The following CIRSR variants were observed in gnomAD, a reference collection of about 807,000 sequenced individuals.
CIRSR encodes the protein corepressor of RBPJ and splicing regulator.
chr2:174,395,481 T>C, the CIRSR span: 2 of 1,455,306 alleles, frequency 1.4e-6, no homozygotes, highest in South Asian at 2.3e-5. Flanking sequence ...ACACCATCAC[T>C]TTCACTTCCA....
the CIRSR span, chr2:174,395,427 G>A: frequency 1.1e-6 from 1 of 933,914 alleles, no homozygotes; most frequent in Non-Finnish European, 1.7e-6. Context: ...GACCACCAGG[G>A]CTTTAGGCCT....
the CIRSR span, among the ~76,000 whole-genome samples, chr2:174,386,698 A>C: frequency 6.6e-6 from 1 of 152,132 alleles, no homozygotes; most frequent in African/African-American, 2.4e-5. Flanking sequence ...GGCGCAAAAA[A>C]CGGCGCTCAG....
the CIRSR span, among the ~76,000 whole-genome samples, chr2:174,355,882 C>T: frequency 6.6e-6 from 1 of 152,122 alleles, no homozygotes; most frequent in African/African-American, 2.4e-5. Flanking sequence ...CCACAAATGG[C>T]ATAGGAGGGA....
chr2:174,387,522 T>C, the CIRSR span: 822 of 628,004 alleles, frequency 1.3e-3, 6 homozygotes, highest in African/African-American at 0.014. Context: ...GAAAAAGTGG[T>C]CATCTACAGG....
At chr2:174,353,183 T>C in the CIRSR span, among the ~76,000 whole-genome samples, 9 of 152,264 alleles carry the variant, frequency 5.9e-5, no homozygotes, top group African/African-American at 9.6e-5. Context: ...TATTGGAGTA[T>C]GGGGGAAGTT....
At chr2:174,395,515 T>A in the CIRSR span, 4 of 1,599,454 alleles carry the variant, frequency 2.5e-6, no homozygotes, top group African/African-American at 5.4e-5. Context: ...AGGCGGTCCC[T>A]GTGGGCCTAA....
chr2:174,351,810 T>C, the CIRSR span: 15 of 936,632 alleles, frequency 1.6e-5, no homozygotes, highest in African/African-American at 1.7e-4. Flanking sequence ...AGTTGAAGCT[T>C]TGTTAAGTAA....
At chr2:174,389,400 A>G in the CIRSR span, among the ~76,000 whole-genome samples, 1 of 152,210 alleles carries the variant, frequency 6.6e-6, no homozygotes, top group South Asian at 2.1e-4. Flanking sequence ...TGCTAGGCAA[A>G]GAAACTGGTG....
At chr2:174,375,080 A>G in the CIRSR span, among the ~76,000 whole-genome samples, 456 of 152,348 alleles carry the variant, frequency 3.0e-3, 1 homozygote, top group Middle Eastern at 0.02. Flanking sequence ...TGCTCCATAA[A>G]TGATGATTGA....
the CIRSR span, among the ~76,000 whole-genome samples, chr2:174,379,559 T>C: frequency 6.6e-6 from 1 of 152,162 alleles, no homozygotes; most frequent in Non-Finnish European, 1.5e-5. Context: ...AATAAAACTT[T>C]CTTTACAAGG....
At chr2:174,360,074 G>T in the CIRSR span, among the ~76,000 whole-genome samples, 1 of 152,214 alleles carries the variant, frequency 6.6e-6, no homozygotes, top group Admixed American at 6.5e-5. Context: ...GTGGGGGAAT[G>T]GGGGAGGGAT....
the CIRSR span, among the ~76,000 whole-genome samples, chr2:174,373,113 T>C: frequency 1.3e-5 from 2 of 152,258 alleles, no homozygotes; most frequent in African/African-American, 4.8e-5. Flanking sequence ...CATCATTTTA[T>C]GTGGCATCAC....
chr2:174,381,478 C>G, the CIRSR span, among the ~76,000 whole-genome samples: 1 of 152,012 alleles, frequency 6.6e-6, no homozygotes, highest in Non-Finnish European at 1.5e-5. Flanking sequence ...CATGGTGAAA[C>G]TCTGTCTCTA....
At chr2:174,387,850 T>C in the CIRSR span, 5 of 1,327,092 alleles carry the variant, frequency 3.8e-6, no homozygotes, top group Non-Finnish European at 3.1e-6. Flanking sequence ...TTTTCTTGTA[T>C]AATAAAATAT....
At chr2:174,353,656 C>T in the CIRSR span, among the ~76,000 whole-genome samples, 1 of 152,094 alleles carries the variant, frequency 6.6e-6, no homozygotes, top group Non-Finnish European at 1.5e-5. Context: ...GTAGTAGAAA[C>T]GGGGTTTCAC....
At chr2:174,385,237 A>T in the CIRSR span, among the ~76,000 whole-genome samples, 24 of 110,108 alleles carry the variant, frequency 2.2e-4, no homozygotes, top group Non-Finnish European at 4.0e-4. Flanking sequence ...AAAAAAAAAA[A>T]TTTTTTTTTT....
the CIRSR span, among the ~76,000 whole-genome samples, chr2:174,381,466 A>G: frequency 6.6e-6 from 1 of 152,110 alleles, no homozygotes; most frequent in Non-Finnish European, 1.5e-5. Flanking sequence ...CAGCCTGGCC[A>G]ACATGGTGAA....
At chr2:174,354,575 T>G in the CIRSR span, among the ~76,000 whole-genome samples, 30 of 15,358 alleles carry the variant, frequency 2.0e-3, no homozygotes, top group Admixed American at 8.4e-3. Context: ...TATATTATAT[T>G]ATATATTATA....
chr2:174,348,262 T>C, the CIRSR span: 2 of 481,240 alleles, frequency 4.2e-6, no homozygotes, highest in Non-Finnish European at 6.8e-6. Context: ...ACAGAAAATA[T>C]TTCCACAGCC....
Sources: allele counts gnomAD v4.1 joint callset (sites outside exome capture counted in the v4.1 genomes callset), GRCh38; gene constraint gnomAD v4.1.1; transcripts MANE v1.5; gene names NCBI Gene and HGNC (gene_info 2026-07-23, HGNC 2026-07-21).